The following PEG3 variants were observed in gnomAD, a reference collection of about 807,000 sequenced individuals.
The protein encoded by PEG3 is paternally expressed 3, also known as paternally-expressed gene 3 protein.
In PEG3, 23 loss-of-function variants were observed where a neutral mutation model predicts 35.5. That is an observed-to-expected ratio of 0.65 (90% CI 0.47 to 0.92). The LOEUF is 0.92. PEG3 is among the 40% of genes least tolerant of loss of function. The probability of loss-of-function intolerance (pLI) is 0.00; values close to 1 mark genes in which losing one functional copy is unlikely to be tolerated. For missense variants in PEG3, 1,960 were observed against 1,985.3 expected (o/e 0.99, Z 0.24); for synonymous variants, 707 against 697.0 (o/e 1.01, Z -0.23).
rs2059666425 is a variant in PEG3, at chr19:56,813,286, T to C, written c.*389A>G. 1 of 935,768 alleles carries C rather than the reference T, an allele frequency of 1.1e-6. No homozygotes were observed. Among genetic ancestry groups the C allele is most frequent in the African/African-American group, 1.8e-5 (1 of 56,346 alleles). The allele number at this position is 935,768 out of a possible 1,614,324, so 58.0% of individuals were successfully genotyped here. A position where few individuals can be genotyped will look rare whatever the true frequency, so the allele number is the denominator to read the frequency against. ...TGTATATCATATAAATCCAAATATA[T>C]GTGATCACTGTTCTGTCATAATTTG... is the stretch of plus-strand genomic sequence containing the variant. On this transcript the variant is annotated 3_prime_UTR_variant, in exon 10 of 10. Coordinates refer to ENST00000326441, the MANE Select transcript of PEG3 (RefSeq NM_006210.3).
intron 4 of PEG3, 111 bp downstream of exon 4, chr19:56,824,151 C>G: frequency 6.7e-7 from 1 of 1,495,604 alleles, no homozygotes; most frequent in Non-Finnish European, 9.0e-7. Flanking sequence ...CCCACCGCTG[C>G]CCAGGACAGA....
At chr19:56,826,810 G>C (rs912851477) in intron 2 of PEG3, among the ~76,000 whole-genome samples, 4 of 152,110 alleles carry the variant, frequency 2.6e-5, no homozygotes, top group Admixed American at 2.6e-4. Flanking sequence ...AATAAGACAA[G>C]AAAAACACAT....
intron 2 of PEG3, among the ~76,000 whole-genome samples, chr19:56,835,168 TG>T (rs1568723313): frequency 6.6e-6 from 1 of 152,104 alleles, no homozygotes; most frequent in East Asian, 1.9e-4. Flanking sequence ...CCACACCCAC[TG>T]CGTCCACCCT....
Position 56,815,636 on chromosome 19 carries a change from G to C in PEG3, c.2806C>G (p.Arg936Gly), listed in dbSNP as rs777281592. 2 of 1,614,006 alleles carry C rather than the reference G, an allele frequency of 1.2e-6. No homozygotes were observed. Among genetic ancestry groups the C allele is most frequent in the East Asian group, 2.2e-5 (1 of 44,864 alleles). ...SSNVREYQKA[R>G]AKKKYIEHRS... ...TGCTCAATGTATTTCTTTTTAGCAC[G>C]AGCCTTCTGGTATTCACGGACATTT... Residue 936 changes from arginine to glycine, a missense_variant, in exon 10 of 10, where the codon CGT (arginine) becomes GGT (glycine). By Grantham distance (125) the Arg-to-Gly change is moderately radical. Transcript: ENST00000326441.
At chr19:56,822,720 C>T in intron 6 of PEG3, 33 bp downstream of exon 6, 2 of 1,611,422 alleles carry the variant, frequency 1.2e-6, no homozygotes, top group Non-Finnish European at 1.7e-6. Flanking sequence ...TGCTCTATAT[C>T]TCCTACTGGG....
chr19:56,827,347 A>G (rs547289648), intron 2 of PEG3, among the ~76,000 whole-genome samples: 2 of 152,318 alleles, frequency 1.3e-5, no homozygotes, highest in South Asian at 4.1e-4. Flanking sequence ...TGACCAGGCC[A>G]ATAGAACTTG....
Position 56,812,066 on chromosome 19 carries a change from A to C in PEG3, c.*1609T>G, listed in dbSNP as rs894764887. On this transcript the variant is annotated 3_prime_UTR_variant, in exon 10 of 10. Transcript: ENST00000326441. ...TTCAGACACATTTCCCCCAGTGGGT[A>C]CTTTAATTTTGCTTGTTCAAATGAT... 81 of 957,734 alleles carry C rather than the reference A, an allele frequency of 8.5e-5. No homozygotes were observed. Among genetic ancestry groups the C allele is most frequent in the Non-Finnish European group, 8.9e-5 (73 of 817,068 alleles). The allele number at this position is 957,734 out of a possible 1,614,324, so 59.3% of individuals were successfully genotyped here. A position where few individuals can be genotyped will look rare whatever the true frequency, so the allele number is the denominator to read the frequency against.
intron 2 of PEG3, among the ~76,000 whole-genome samples, chr19:56,828,268 T>G (rs538888972): frequency 6.6e-6 from 1 of 152,170 alleles, no homozygotes; most frequent in East Asian, 1.9e-4. Flanking sequence ...TAGAAAACCC[T>G]AAAGAATCAA....
At chr19:56,820,542 C>T (rs1226186464) in intron 7 of PEG3, among the ~76,000 whole-genome samples, 1 of 152,194 alleles carries the variant, frequency 6.6e-6, no homozygotes, top group African/African-American at 2.4e-5. Context: ...TGGTTTGGTT[C>T]CCATCCCACA....
chr19:56,832,746 G>A (rs1222616205), intron 2 of PEG3, among the ~76,000 whole-genome samples: 1 of 152,106 alleles, frequency 6.6e-6, no homozygotes, highest in Non-Finnish European at 1.5e-5. Flanking sequence ...GGTGCTTCTG[G>A]GAGTCTGGCG....
rs777193370 is a variant in PEG3 at position 56,813,627 on chromosome 19, T to C, written c.*48A>G. 1 of 1,556,374 alleles carries C rather than the reference T, an allele frequency of 6.4e-7. No individual in the cohort carries two copies. Among genetic ancestry groups the C allele is most frequent in the South Asian group, 1.2e-5 (1 of 82,136 alleles). On this transcript the variant is annotated 3_prime_UTR_variant, in exon 10 of 10. Transcript: ENST00000326441. Reference sequence around the variant, plus strand: ...TTGGTTTGGATTCTCTGTGGTTTGGTAAGGGTCAAGTCCTAGGTGAAGGTT... The same window carrying C: ...TTGGTTTGGATTCTCTGTGGTTTGGCAAGGGTCAAGTCCTAGGTGAAGGTT...
At position 56,810,875 on chromosome 19, in the gene PEG3, T is replaced by A; in HGVS notation, c.*2800A>T. ...TCTAATTTTTCCTCTGGGTATGTAT[T>A]ATGCACACCAATGGAGACACACATA... On this transcript the variant is annotated 3_prime_UTR_variant, in exon 10 of 10. Coordinates refer to ENST00000326441, the MANE Select transcript of PEG3 (RefSeq NM_006210.3). The A allele has an allele frequency of 3.1e-6, 3 of 966,106 alleles. No individual in the cohort carries two copies. The highest frequency in any genetic ancestry group is 3.7e-6 in the Non-Finnish European group (3 of 812,358). The allele number at this position is 966,106 out of a possible 1,614,324, so 59.8% of individuals were successfully genotyped here. A position where few individuals can be genotyped will look rare whatever the true frequency, so the allele number is the denominator to read the frequency against.
At position 56,838,880 on chromosome 19, in the gene PEG3, C is replaced by T. The variant is rs912637217; in HGVS notation, c.-250+1702G>A. On this transcript the variant is annotated intron_variant, in intron 1 of 9. Coordinates refer to ENST00000326441, the MANE Select transcript of PEG3 (RefSeq NM_006210.3). ...CCCTGTGGACAACCCCACACCTATG[C>T]GGCAAACCGCAGCCGCCCCGATCAA... Among the ~76,000 whole-genome samples the T allele has an allele frequency of 3.9e-5, 6 of 152,154 alleles. No homozygotes were observed. The South Asian group carries it at 6.2e-4, about 16-fold the overall frequency.
intron 7 of PEG3, among the ~76,000 whole-genome samples, chr19:56,820,923 C>G (rs774657272): frequency 6.6e-6 from 1 of 152,108 alleles, no homozygotes; most frequent in Non-Finnish European, 1.5e-5. Flanking sequence ...TTCTTTGAGT[C>G]CAGTCAGTGC....
Position 56,814,289 on chromosome 19 carries a change from G to C in PEG3, c.4153C>G (p.Leu1385Val). The C allele has an allele frequency of 3.7e-6, 6 of 1,613,614 alleles. No homozygotes were observed. Among genetic ancestry groups the C allele is most frequent in the South Asian group, 1.1e-5 (1 of 90,860 alleles). Residue 1385 changes from leucine (L) to valine (V), a missense_variant, in exon 10 of 10, where the codon CTG (leucine) becomes GTG (valine). Leu to Val is a conservative substitution (Grantham distance 32, BLOSUM62 1). Around this residue, in one of 5 missense-constraint regions of PEG3, gnomAD observed 416 missense variants for 416.7 expected, o/e 1.00. Transcript: ENST00000326441. This position sits in a 1 kb window ranked among gnomAD's most constrained non-coding sequence, Gnocchi z 5.8. Reference protein sequence around the residue: ...EANVHVPQVVLRIQGLNVEAA... With the variant: ...EANVHVPQVVVRIQGLNVEAA... ...TCTACGTTTAAGCCCTGAATCCTCA[G>C]AACTACTTGTGGAACATGGACATTG...
intron 6 of PEG3, among the ~76,000 whole-genome samples, chr19:56,822,208 T>C (rs2146314306): frequency 6.6e-6 from 1 of 152,278 alleles, no homozygotes; most frequent in Middle Eastern, 3.4e-3. Flanking sequence ...TGATCAATTT[T>C]AGGGTGCCCT....
rs773007992 is a variant in PEG3 at position 56,824,622 on chromosome 19, G to T, written c.34C>A (p.Pro12Thr). The change falls in exon 4 of 10, where the codon CCT (proline) becomes ACT (threonine). Residue 12 changes from proline (P) to threonine (T), a missense_variant. Coordinates refer to ENST00000326441, the MANE Select transcript of PEG3 (RefSeq NM_006210.3). The part of the protein sequence containing the change: ...LPPKHLSATK[P>T]KKSWAPNLYE... ...AGATTTGGGGCCCAGGACTTCTTAG[G>T]TTTGGTGGCAGACAAGTGCTTTGGA... is the stretch of plus-strand genomic sequence containing the variant. 1 of 1,605,980 alleles carries T rather than the reference G, an allele frequency of 6.2e-7. No individual in the cohort carries two copies. Among genetic ancestry groups the T allele is most frequent in the Non-Finnish European group, 8.5e-7 (1 of 1,173,518 alleles).
Position 56,814,498 on chromosome 19 carries a change from T to C in PEG3, c.3944A>G (p.Tyr1315Cys). The C allele has an allele frequency of 1.2e-6, 2 of 1,613,318 alleles. No individual in the cohort carries two copies. The highest frequency in any genetic ancestry group is 8.5e-7 in the Non-Finnish European group (1 of 1,179,254). ...CTCAGTAAGAAATGAGGTGTGAGTA[T>C]AGGAGGACCCGTACTCATAGGGCTC... ...KNEPYEYGSS[Y>C]THTSFLTEPL... is the part of the protein sequence containing the mutation. The change falls in exon 10 of 10, where the codon TAT (tyrosine) becomes TGT (cysteine). Residue 1315 changes from tyrosine to cysteine, a missense_variant. Coordinates refer to ENST00000326441, the MANE Select transcript of PEG3 (RefSeq NM_006210.3). This position sits in a 1 kb window ranked among gnomAD's most constrained non-coding sequence, Gnocchi z 5.8.
At chr19:56,827,729 T>C (rs1375284704) in intron 2 of PEG3, among the ~76,000 whole-genome samples, 1 of 152,234 alleles carries the variant, frequency 6.6e-6, no homozygotes, top group East Asian at 1.9e-4. Context: ...GTTTGTATAA[T>C]GAATTACTAT....
Sources: allele counts gnomAD v4.1 joint callset (sites outside exome capture counted in the v4.1 genomes callset), GRCh38; gene constraint gnomAD v4.1.1; regional missense constraint gnomAD v4.1.1; non-coding constraint Gnocchi (gnomAD v3.1); transcripts MANE v1.5; gene names NCBI Gene and HGNC (gene_info 2026-07-23, HGNC 2026-07-21).